RAB40C: variants seen among roughly 807,000 people sequenced by gnomAD.
RAB40C encodes RAB40C, member RAS oncogene family.
RAB40C carries 8 observed loss-of-function variants against 28.1 expected under a neutral mutation model. The observed-to-expected ratio is 0.28, with a 90% CI of 0.17 to 0.51. The LOEUF (loss-of-function observed/expected upper bound fraction) is 0.51, where lower values mean the gene tolerates loss of function less well. Ranked by LOEUF, RAB40C falls within the 20% of genes least tolerant of loss-of-function variation. RAB40C has a pLI of 0.97. For synonymous variants in RAB40C, 201 were observed against 171.7 expected (o/e 1.17, Z -1.34); for missense variants, 288 against 405.9 (o/e 0.71, Z 2.50).
chr16:601,174 C>G (rs2036241329), intron 1 of RAB40C, among the ~76,000 whole-genome samples: 2 of 152,164 alleles, frequency 1.3e-5, no homozygotes, highest in South Asian at 4.1e-4. Flanking sequence ...GTGTGTGGAG[C>G]TGGTTTGACT....
Position 610,531 on chromosome 16 carries a change from T to G in RAB40C, c.143-6677T>G, listed in dbSNP as rs1717965907. 6.6e-6 allele frequency among the ~76,000 whole-genome samples: 1 copy of G among 152,170 alleles called. No individual in the cohort carries two copies. The highest frequency in any genetic ancestry group is 2.1e-4 in the South Asian group (1 of 4,834). ...CTGAGCCGGGTATTAGCTTAGCTTA[T>G]TTTTGAAAAGACATTTCAACAGGAG... is the stretch of plus-strand genomic sequence containing the variant. On this transcript the variant is annotated intron_variant, in intron 1 of 5. Transcript: ENST00000248139. The surrounding 1 kb of genome is among the most constrained non-coding windows in gnomAD (Gnocchi z 4.6).
intron 1 of RAB40C, among the ~76,000 whole-genome samples, chr16:601,845 A>G (rs1028468142): frequency 1.9e-4 from 27 of 138,750 alleles, no homozygotes; most frequent in Non-Finnish European, 3.7e-4. Context: ...AAAAAAAAAA[A>G]GGCCGGATGC....
chr16:625,708 G>A (rs1237945539), intron 4 of RAB40C, 191 bp from the exon 5 acceptor site: 37 of 822,058 alleles, frequency 4.5e-5, no homozygotes, highest in Non-Finnish European at 7.1e-5. Flanking sequence ...AAGACCAGGA[G>A]CTACGGGGCC....
rs1395736701 is a variant in RAB40C, at chr16:625,830, G to A, written c.343-69G>A. 25 of 1,398,910 alleles carry A rather than the reference G, an allele frequency of 1.8e-5. 1 individual carries two copies. The Admixed American group carries it at 3.4e-4, about 19-fold the overall frequency. 86.7% of individuals were successfully genotyped at this position (1,398,910 alleles called of 1,614,324 possible). A position where few individuals can be genotyped will look rare whatever the true frequency, so the allele number is the denominator to read the frequency against. On this transcript the variant is annotated intron_variant, in intron 4 of 5. Transcript: ENST00000248139. ...CCATCATAGTCCAGACAATGAGGGC[G>A]GGCCCTGCTGCGGCTGAGGGGTGGG...
chr16:622,386 G>A (rs529780659), intron 3 of RAB40C, among the ~76,000 whole-genome samples: 2 of 152,056 alleles, frequency 1.3e-5, no homozygotes, highest in Admixed American at 1.3e-4. Flanking sequence ...CGCCCGCGAG[G>A]CATGAGCGGC....
intron 1 of RAB40C, among the ~76,000 whole-genome samples, chr16:614,038 G>A (rs542117733): frequency 5.3e-5 from 8 of 151,438 alleles, no homozygotes; most frequent in East Asian, 1.9e-4. Context: ...TAACTCTACC[G>A]CGTCCCGATG....
At chr16:611,710 C>T (rs1174112857) in intron 1 of RAB40C, among the ~76,000 whole-genome samples, 2 of 110,376 alleles carry the variant, frequency 1.8e-5, no homozygotes, top group Admixed American at 8.5e-5. Flanking sequence ...GACAGCCGCC[C>T]TGGCCTGTAG....
At chr16:603,865 T>G (rs1438491466) in intron 1 of RAB40C, among the ~76,000 whole-genome samples, 1 of 152,162 alleles carries the variant, frequency 6.6e-6, no homozygotes, top group African/African-American at 2.4e-5. Context: ...CTGGTTTCTT[T>G]TGCTCAGCAG....
At chr16:621,258 TC>T (rs2036710186) in intron 3 of RAB40C, among the ~76,000 whole-genome samples, 4 of 151,858 alleles carry the variant, frequency 2.6e-5, no homozygotes, top group African/African-American at 9.7e-5. Context: ...CTGTCCTGTG[TC>T]TCTCCTGCCT....
At chr16:590,569 C>T (rs947578361) in intron 1 of RAB40C, 136 bp downstream of exon 1, 6 of 1,165,978 alleles carry the variant, frequency 5.1e-6, no homozygotes, top group African/African-American at 3.3e-5. Context: ...CTTCCAGACT[C>T]GGTAGCTCGG....
At chr16:605,430 G>A (rs73485415) in intron 1 of RAB40C, among the ~76,000 whole-genome samples, 7,578 of 152,198 alleles carry the variant, frequency 0.05, 663 homozygotes, top group African/African-American at 0.17. Context: ...CAGGCATGCC[G>A]GCCTGAGAAA....
intron 3 of RAB40C, chr16:623,871 G>A: frequency 1.3e-6 from 1 of 777,556 alleles, no homozygotes; most frequent in Non-Finnish European, 1.6e-6. Flanking sequence ...ATATCAGGCT[G>A]CAGTGAGCCA....
At chr16:596,847 A>G (rs1479530301) in intron 1 of RAB40C, among the ~76,000 whole-genome samples, 2 of 152,152 alleles carry the variant, frequency 1.3e-5, no homozygotes, top group African/African-American at 4.8e-5. Context: ...GTGGACTCGC[A>G]CTTTGAGCCT....
intron 3 of RAB40C, chr16:625,231 C>T (rs1596417937): frequency 6.9e-7 from 1 of 1,440,072 alleles, no homozygotes; most frequent in African/African-American, 1.4e-5. Flanking sequence ...CCCCCTGCTG[C>T]AGTCCTGCCA....
chr16:606,610 G>A (rs1033196114), intron 1 of RAB40C, among the ~76,000 whole-genome samples: 4 of 152,238 alleles, frequency 2.6e-5, no homozygotes, highest in Admixed American at 6.5e-5. Context: ...CTTGCTCGTT[G>A]GGAGGTTGGC....
upstream of RAB40C, chr16:589,549 T>G (rs1472359760): frequency 6.6e-6 from 1 of 151,942 alleles, no homozygotes; most frequent in Non-Finnish European, 1.5e-5. Context: ...GGCGAGCGTG[T>G]AGGAAAGGGG....
Position 624,477 on chromosome 16 carries a change from G to A in RAB40C, c.265-955G>A, listed in dbSNP as rs920878098. On this transcript the variant is annotated intron_variant, in intron 3 of 5. Transcript: ENST00000248139. ...CATCCTGAGCAAGGCCTTCGCCCTG[G>A]GAGCTTAGTAATGTCAACCTTGTTC... The A allele has an allele frequency of 1.8e-5, 18 of 985,362 alleles. No individual in the cohort carries two copies. The East Asian group carries it at 1.9e-3, about 105-fold the overall frequency. The allele number at this position is 985,362 out of a possible 1,614,324, so 61.0% of individuals were successfully genotyped here.
intron 3 of RAB40C, chr16:624,902 AG>A: frequency 7.8e-7 from 1 of 1,278,372 alleles, no homozygotes; most frequent in Non-Finnish European, 1.0e-6. Context: ...TTGGTCTCTA[AG>A]GGATGTGGCA....
Position 616,219 on chromosome 16 carries a change from G to T in RAB40C, c.143-989G>T, listed in dbSNP as rs189801516. ...TGCAGTGAGCAGAGATCGCACCACT[G>T]CACTCCAGCCTGGGTGACTGAGCAA... On this transcript the variant is annotated intron_variant, in intron 1 of 5. Coordinates refer to ENST00000248139, the MANE Select transcript of RAB40C (RefSeq NM_021168.5). 7.3e-3 allele frequency among the ~76,000 whole-genome samples: 1,089 copies of T among 149,792 alleles called. 17 individuals carry two copies. Among genetic ancestry groups the T allele is most frequent in the African/African-American group, 0.025 (1,035 of 40,610 alleles).
Sources: gnomAD v4.1 joint callset for allele counts (sites outside exome capture counted in the v4.1 genomes callset) on GRCh38, gnomAD v4.1.1 for gene constraint, Gnocchi (gnomAD v3.1) non-coding constraint, MANE v1.5 for transcripts, NCBI Gene and HGNC (gene_info 2026-07-23, HGNC 2026-07-21) for gene names.